NAALADL2: variants seen among roughly 807,000 people sequenced by gnomAD.
NAALADL2 encodes N-acetylated alpha-linked acidic dipeptidase like 2, also known as inactive N-acetylated-alpha-linked acidic dipeptidase-like protein 2.
In NAALADL2, 76 loss-of-function variants were observed where a neutral mutation model predicts 87.2. That is an observed-to-expected ratio of 0.87 (90% CI 0.72 to 1.05). The LOEUF is 1.05. Ranked by LOEUF, NAALADL2 falls within the 50% of genes least tolerant of loss-of-function variation. The probability of loss-of-function intolerance (pLI) is 0.00; values close to 1 mark genes in which losing one functional copy is unlikely to be tolerated. For synonymous variants in NAALADL2, 354 were observed against 331.0 expected (o/e 1.07, Z -0.75); for missense variants, 1,089 against 945.8 (o/e 1.15, Z -1.99).
chr3:175,569,621 C>A (rs1191674275), intron 9 of NAALADL2, among the ~76,000 whole-genome samples: 2 of 151,392 alleles, frequency 1.3e-5, no homozygotes, highest in East Asian at 3.9e-4. Context: ...GATACAAGAT[C>A]TCTCTCTCTC....
chr3:175,029,623 A>T (rs1035088078), intron 1 of NAALADL2, among the ~76,000 whole-genome samples: 22 of 152,122 alleles, frequency 1.4e-4, no homozygotes, highest in African/African-American at 5.3e-4. Flanking sequence ...CACCTATGCA[A>T]GTGTATTAAA....
At chr3:175,770,207 G>C (rs564713462) in intron 13 of NAALADL2, among the ~76,000 whole-genome samples, 1 of 152,070 alleles carries the variant, frequency 6.6e-6, no homozygotes, top group African/African-American at 2.4e-5. Flanking sequence ...TGCAAATATC[G>C]AGAAGATTAA....
intron 1 of NAALADL2, among the ~76,000 whole-genome samples, chr3:174,496,693 A>G (rs1718559924): frequency 6.6e-6 from 1 of 152,010 alleles, no homozygotes. Flanking sequence ...TGAGATGACC[A>G]ACAGCTTATT....
intron 6 of NAALADL2, among the ~76,000 whole-genome samples, chr3:175,448,581 C>T: frequency 6.6e-6 from 1 of 152,202 alleles, no homozygotes; most frequent in East Asian, 1.9e-4. Context: ...CCCTATGTCA[C>T]CTCCCACTGG....
chr3:175,673,546 G>A (rs1447088581), intron 11 of NAALADL2, among the ~76,000 whole-genome samples: 4 of 133,482 alleles, frequency 3.0e-5, no homozygotes, highest in South Asian at 2.2e-4. Flanking sequence ...TGTATTTTTT[G>A]TGTGTAAATT....
chr3:174,912,699 A>T (rs929597312), intron 1 of NAALADL2, among the ~76,000 whole-genome samples: 1 of 152,186 alleles, frequency 6.6e-6, no homozygotes, highest in African/African-American at 2.4e-5. Flanking sequence ...TAGATAGAAT[A>T]AAATAAGACA....
chr3:175,207,342 TA>T (rs112588416), intron 2 of NAALADL2, among the ~76,000 whole-genome samples: 1,518 of 150,788 alleles, frequency 0.01, 25 homozygotes, highest in African/African-American at 0.03. Context: ...TTAAGATAAT[TA>T]AAAAAAAAGA....
At chr3:174,650,960 C>T (rs1724294806) in intron 2 of NAALADL2, among the ~76,000 whole-genome samples, 1 of 152,024 alleles carries the variant, frequency 6.6e-6, no homozygotes, top group African/African-American at 2.4e-5. Context: ...GCCCTATTCA[C>T]TTAGTTTATC....
At chr3:174,912,299 A>G (rs893016815) in intron 1 of NAALADL2, among the ~76,000 whole-genome samples, 1 of 151,634 alleles carries the variant, frequency 6.6e-6, no homozygotes, top group South Asian at 2.1e-4. Context: ...ACATGGATCC[A>G]TGTTTTAAAT....
intron 2 of NAALADL2, among the ~76,000 whole-genome samples, chr3:174,673,070 T>C (rs954508276): frequency 1.3e-5 from 2 of 152,026 alleles, no homozygotes; most frequent in Non-Finnish European, 2.9e-5. Context: ...TGATGTGTTA[T>C]TAAAGAAAGA....
chr3:175,466,863 T>C (rs1724118336), intron 7 of NAALADL2, 116 bp from the exon 8 acceptor site: 1 of 823,248 alleles, frequency 1.2e-6, no homozygotes, highest in African/African-American at 1.7e-5. Flanking sequence ...TCTTAATTAT[T>C]AGAGCAATTT....
Position 175,433,302 on chromosome 3 carries a change from G to A in NAALADL2, c.1091-13927G>A, listed in dbSNP as rs535576271. Among the ~76,000 whole-genome samples, 4 of 152,136 alleles carry A rather than the reference G, an allele frequency of 2.6e-5. No individual in the cohort carries two copies. The East Asian group carries it at 7.7e-4, about 29-fold the overall frequency. ...TGACACAAAACATTCTTTAAATGTA[G>A]CACTGGCGTAATATAACATCATTGG... On this transcript the variant is annotated intron_variant, in intron 5 of 13. Transcript: ENST00000454872.
chr3:174,867,373 G>A (rs891760443), intron 1 of NAALADL2, among the ~76,000 whole-genome samples: 2 of 151,858 alleles, frequency 1.3e-5, no homozygotes, highest in Non-Finnish European at 2.9e-5. Context: ...ATCATCTCCA[G>A]CCTCACAAAC....
intron 3 of NAALADL2, among the ~76,000 whole-genome samples, chr3:174,839,892 C>T (rs1579151758): frequency 6.6e-6 from 1 of 151,868 alleles, no homozygotes; most frequent in Non-Finnish European, 1.5e-5. Flanking sequence ...AACACTTCTA[C>T]AGTGATGGTA....
Position 175,603,436 on chromosome 3 carries a change from A to G in NAALADL2, c.1801-23855A>G, listed in dbSNP as rs527827467. Among the ~76,000 whole-genome samples, 6 of 152,234 alleles carry G rather than the reference A, an allele frequency of 3.9e-5. No individual in the cohort carries two copies. In the South Asian group the frequency reaches 8.3e-4, roughly 21 times the overall value. ...TTCCAGAATTCATTTCATCTTGCAAAACTGAAATTCTATACCCAGTAAACA... is the reference window on the plus strand; with the variant it reads ...TTCCAGAATTCATTTCATCTTGCAAGACTGAAATTCTATACCCAGTAAACA... On this transcript the variant is annotated intron_variant, in intron 10 of 13. Transcript: ENST00000454872.
chr3:174,772,222 ACT>A (rs1223178816), intron 3 of NAALADL2, among the ~76,000 whole-genome samples: 3 of 152,082 alleles, frequency 2.0e-5, no homozygotes, highest in Non-Finnish European at 2.9e-5. Flanking sequence ...CTAGGATGCT[ACT>A]CTCTGTTTCT....
intron 11 of NAALADL2, among the ~76,000 whole-genome samples, chr3:175,702,932 G>A (rs1739185983): frequency 6.6e-6 from 1 of 151,932 alleles, no homozygotes; most frequent in Admixed American, 6.6e-5. Context: ...AAAAAGGAGA[G>A]TAGAGTGAGA....
chr3:175,660,087 T>A (rs1248763723), intron 11 of NAALADL2, among the ~76,000 whole-genome samples: 1 of 152,268 alleles, frequency 6.6e-6, no homozygotes, highest in Non-Finnish European at 1.5e-5. Flanking sequence ...TATGTCCTCA[T>A]GTGGTGAAAA....
intron 11 of NAALADL2, among the ~76,000 whole-genome samples, chr3:175,659,132 T>A (rs1209710746): frequency 6.6e-6 from 1 of 152,170 alleles, no homozygotes; most frequent in Non-Finnish European, 1.5e-5. Context: ...ATAATACCTA[T>A]CAAATAGGAT....
Sources: allele counts gnomAD v4.1 joint callset (sites outside exome capture counted in the v4.1 genomes callset), GRCh38; gene constraint gnomAD v4.1.1; transcripts MANE v1.5; gene names NCBI Gene and HGNC (gene_info 2026-07-23, HGNC 2026-07-21).